The following KCNIP3 variants were observed in gnomAD, a reference collection of about 807,000 sequenced individuals.
KCNIP3 encodes the protein potassium voltage-gated channel interacting protein 3.
KCNIP3 carries 28 observed loss-of-function variants against 35.0 expected under a neutral mutation model. The ratio of observed to expected loss-of-function variants is 0.80; its 90% CI spans 0.59 to 1.10. The LOEUF (loss-of-function observed/expected upper bound fraction) is 1.10, where lower values mean the gene tolerates loss of function less well. Among genes scored for constraint, KCNIP3 ranks in the 50% least tolerant of loss-of-function variants. The pLI is 0.00. For missense variants in KCNIP3, 295 were observed against 338.4 expected (o/e 0.87, Z 1.01); for synonymous variants, 134 against 133.8 (o/e 1.00, Z -0.01).
At chr2:95,314,863 G>A (rs1401631351) in intron 2 of KCNIP3, among the ~76,000 whole-genome samples, 1 of 152,220 alleles carries the variant, frequency 6.6e-6, no homozygotes, top group Admixed American at 6.5e-5. Flanking sequence ...TGTTTTCCCG[G>A]GCTCCGGGCT....
intron 2 of KCNIP3, among the ~76,000 whole-genome samples, chr2:95,331,491 G>T (rs528230026): frequency 8.5e-5 from 13 of 152,230 alleles, no homozygotes; most frequent in African/African-American, 1.9e-4. Context: ...ACATTTGGGG[G>T]TCATCAGCAC....
chr2:95,347,104 G>A lies in KCNIP3; in HGVS notation c.182-27192G>A, dbSNP rs1403639530. On this transcript the variant is annotated intron_variant, in intron 2 of 8. Transcript: ENST00000295225. ...CGTCCTCAAGCAGTTCGGCATCCTGGAGCCCATATCCATGGAAGGTAACGC... is the reference window on the plus strand; with the variant it reads ...CGTCCTCAAGCAGTTCGGCATCCTGAAGCCCATATCCATGGAAGGTAACGC... The A allele has an allele frequency of 3.1e-6, 5 of 1,611,138 alleles. No individual in the cohort carries two copies. In the African/African-American group the frequency reaches 5.3e-5, roughly 17 times the overall value.
intron 1 of KCNIP3, among the ~76,000 whole-genome samples, chr2:95,302,675 A>G (rs1371418713): frequency 6.6e-6 from 1 of 152,142 alleles, no homozygotes; most frequent in Non-Finnish European, 1.5e-5. Flanking sequence ...GAGTAAACTG[A>G]GGCTCGGAGC....
rs1219722439 is a variant in KCNIP3, at chr2:95,342,112, T to TGA, written c.181+31598_181+31599dup. ...AAGAGCATGTGCGAAGACCCTGAGA[T>TGA]GAGAGAGTGCTGGGCTCATTCTGGT... On this transcript the variant is annotated intron_variant, in intron 2 of 8. Coordinates refer to ENST00000295225, the MANE Select transcript of KCNIP3 (RefSeq NM_013434.5). Among the ~76,000 whole-genome samples the TGA allele has an allele frequency of 3.9e-5, 6 of 151,942 alleles. No homozygotes were observed. The East Asian group carries it at 1.2e-3, about 29-fold the overall frequency.
intron 2 of KCNIP3, among the ~76,000 whole-genome samples, chr2:95,320,617 T>C (rs958031242): frequency 6.6e-6 from 1 of 152,060 alleles, no homozygotes; most frequent in African/African-American, 2.4e-5. Flanking sequence ...TCCGGCTCCA[T>C]GAAGGCCTCT....
intron 2 of KCNIP3, among the ~76,000 whole-genome samples, chr2:95,346,301 C>T (rs1014209994): frequency 1.3e-4 from 19 of 151,742 alleles, no homozygotes; most frequent in East Asian, 1.2e-3. Flanking sequence ...CAGCCGCCGC[C>T]CCCTCCTCTC....
chr2:95,337,522 C>T (rs922408640), intron 2 of KCNIP3, among the ~76,000 whole-genome samples: 10 of 152,154 alleles, frequency 6.6e-5, no homozygotes, highest in African/African-American at 2.4e-4. Flanking sequence ...AAGATGAATC[C>T]TTTCTCTGCC....
Position 95,382,478 on chromosome 2 carries a change from C to A in KCNIP3, c.657C>A (p.Phe219Leu). The change falls in exon 7 of 9, where the codon TTC becomes TTA. Residue 219 changes from phenylalanine to leucine, a missense_variant. Phe to Leu is a conservative substitution (Grantham distance 22, BLOSUM62 0). Transcript: ENST00000295225. The surrounding 1 kb of genome is among the most constrained non-coding windows in gnomAD (Gnocchi z 4.5). ...DAPAEHVERF[F>L]EKMDRNQDGV... ...CGGCGGAGCACGTGGAGAGGTTCTT[C>A]GAGGTGAGCGAGCGCCAGCCCTGCC... 1 of 1,598,942 alleles carries A rather than the reference C, an allele frequency of 6.3e-7. No individual in the cohort carries two copies. Among genetic ancestry groups the A allele is most frequent in the Non-Finnish European group, 8.5e-7 (1 of 1,172,716 alleles).
intron 2 of KCNIP3, among the ~76,000 whole-genome samples, chr2:95,330,389 A>C (rs1678897211): frequency 6.6e-6 from 1 of 152,172 alleles, no homozygotes; most frequent in South Asian, 2.1e-4. Context: ...GGGCCATCCC[A>C]TATGGGGTGG....
chr2:95,364,981 G>A (rs1179821134), intron 2 of KCNIP3, among the ~76,000 whole-genome samples: 1 of 152,028 alleles, frequency 6.6e-6, no homozygotes, highest in Non-Finnish European at 1.5e-5. Flanking sequence ...AGCTACTTGG[G>A]AGACTGAGGT....
chr2:95,297,794 C>G (rs1677909353), intron 1 of KCNIP3, among the ~76,000 whole-genome samples: 1 of 152,160 alleles, frequency 6.6e-6, no homozygotes, highest in Non-Finnish European at 1.5e-5. Context: ...GCCCACGACT[C>G]ATCCTGCTCA....
intron 2 of KCNIP3, among the ~76,000 whole-genome samples, chr2:95,339,461 G>C (rs1363802896): frequency 6.6e-6 from 1 of 152,098 alleles, no homozygotes; most frequent in Non-Finnish European, 1.5e-5. Context: ...GTGCATGCCT[G>C]TAATCCCAGC....
At position 95,384,162 on chromosome 2, in the gene KCNIP3, A is replaced by G. The variant is rs529557849; in HGVS notation, c.*113A>G. 109 of 727,346 alleles carry G rather than the reference A, an allele frequency of 1.5e-4. 1 individual carries two copies. The South Asian group carries it at 1.7e-3, about 11-fold the overall frequency. 45.1% of individuals were successfully genotyped at this position (727,346 alleles called of 1,614,324 possible). A position where few individuals can be genotyped will look rare whatever the true frequency, so the allele number is the denominator to read the frequency against. On this transcript the variant is annotated 3_prime_UTR_variant, in exon 9 of 9. Transcript: ENST00000295225. ...AAAAATAGATTTGCAAAAAGTGAAC[A>G]GATTGCTACACACACACACACACAC...
rs531808770 is a variant in KCNIP3, at chr2:95,349,090, C to A, written c.182-25206C>A. Among the ~76,000 whole-genome samples the A allele has an allele frequency of 1.2e-4, 18 of 152,166 alleles. No individual in the cohort carries two copies. In the East Asian group the frequency reaches 1.7e-3, roughly 15 times the overall value. On this transcript the variant is annotated intron_variant, in intron 2 of 8. Coordinates refer to ENST00000295225, the MANE Select transcript of KCNIP3 (RefSeq NM_013434.5). Reference sequence around the variant, plus strand: ...GCAGCCATTCTCTCACTCAGACACCCCCCCCCGCCCCCCGTCAGAGGGAGG... The same window carrying A: ...GCAGCCATTCTCTCACTCAGACACCACCCCCCGCCCCCCGTCAGAGGGAGG...
intron 2 of KCNIP3, among the ~76,000 whole-genome samples, chr2:95,346,424 G>C (rs1679362510): frequency 6.6e-6 from 1 of 151,044 alleles, no homozygotes; most frequent in African/African-American, 2.4e-5. Flanking sequence ...GCCAGACTCC[G>C]TCCTGGGCTG....
intron 2 of KCNIP3, among the ~76,000 whole-genome samples, chr2:95,353,027 AGTCCCACCAT>A (rs1679566028): frequency 6.6e-6 from 1 of 152,230 alleles, no homozygotes; most frequent in Non-Finnish European, 1.5e-5. Context: ...CAATGCCTAT[AGTCCCACCAT>A]TAGTCATATG....
chr2:95,332,669 C>A (rs924231365), intron 2 of KCNIP3, among the ~76,000 whole-genome samples: 2 of 152,206 alleles, frequency 1.3e-5, no homozygotes, highest in African/African-American at 4.8e-5. Flanking sequence ...TGTGGGCAAA[C>A]ACATTTGGGG....
intron 2 of KCNIP3, among the ~76,000 whole-genome samples, chr2:95,335,327 T>C (rs1573497709): frequency 6.6e-6 from 1 of 152,266 alleles, no homozygotes; most frequent in East Asian, 1.9e-4. Context: ...CTTCATTTTT[T>C]AAAAGACATT....
At position 95,318,665 on chromosome 2, in the gene KCNIP3, G is replaced by A. The variant is rs757719208; in HGVS notation, c.181+8145G>A. Among the ~76,000 whole-genome samples the A allele has an allele frequency of 8.5e-5, 13 of 152,314 alleles. No homozygotes were observed. In the Middle Eastern group the frequency reaches 0.01, roughly 120 times the overall value. Reference sequence around the variant, plus strand: ...GACCAAGTCTCGGCCACGGGGCTACGAAGCAGGCACAGGGGTGGTGCCCTG... The same window carrying A: ...GACCAAGTCTCGGCCACGGGGCTACAAAGCAGGCACAGGGGTGGTGCCCTG... On this transcript the variant is annotated intron_variant, in intron 2 of 8. Coordinates refer to ENST00000295225, the MANE Select transcript of KCNIP3 (RefSeq NM_013434.5).
Sources: gnomAD v4.1 joint callset for allele counts (sites outside exome capture counted in the v4.1 genomes callset) on GRCh38, gnomAD v4.1.1 for gene constraint, Gnocchi (gnomAD v3.1) non-coding constraint, MANE v1.5 for transcripts, NCBI Gene and HGNC (gene_info 2026-07-23, HGNC 2026-07-21) for gene names.